Variants in THADA observed in about 807,000 individuals in gnomAD.
THADA encodes tRNA (32-2'-O)-methyltransferase regulator THADA.
In THADA, 213 loss-of-function variants were observed where a neutral mutation model predicts 219.8. The observed-to-expected ratio is 0.97, with a 90% CI of 0.87 to 1.09. THADA has a LOEUF of 1.09. Among genes scored for constraint, THADA ranks in the 50% least tolerant of loss-of-function variants. The probability of loss-of-function intolerance (pLI) is 0.00; values close to 1 mark genes in which losing one functional copy is unlikely to be tolerated. For missense variants in THADA, 2,956 were observed against 2,311.3 expected, an observed-to-expected ratio of 1.28 and a Z score of -5.72; for synonymous variants, 1,018 against 828.9, an observed-to-expected ratio of 1.23 and a Z score of -3.92.
intron 30 of THADA, among the ~76,000 whole-genome samples, chr2:43,321,006 A>G (rs1339977634): frequency 6.6e-6 from 1 of 152,230 alleles, no homozygotes; most frequent in African/African-American, 2.4e-5. Flanking sequence ...TGGACTTGAA[A>G]TAACCAGCTG....
At position 43,581,941 on chromosome 2, in the gene THADA, A is replaced by C. The variant is rs1700508567; in HGVS notation, c.534-13T>G. 2.0e-6 allele frequency: 3 copies of C among 1,514,712 alleles called. No individual in the cohort carries two copies. The highest frequency in any genetic ancestry group is 2.4e-5 in the East Asian group (1 of 41,992). 93.8% of individuals were successfully genotyped at this position (1,514,712 alleles called of 1,614,324 possible). ...TCCAGCACATTTTCTATAAAGAAGA[A>C]AAGACATTATTACAAAAGGAAATTC... On this transcript the variant is annotated splice_polypyrimidine_tract_variant and intron_variant, in intron 7 of 37. Coordinates refer to ENST00000405975, the MANE Select transcript of THADA (RefSeq NM_022065.5).
chr2:43,359,634 T>G (rs1669269191), intron 29 of THADA, among the ~76,000 whole-genome samples: 1 of 152,150 alleles, frequency 6.6e-6, no homozygotes, highest in Admixed American at 6.5e-5. Context: ...GAGCGAAGAT[T>G]GCGCCACTGC....
At chr2:43,374,893 G>C (rs1671202149) in intron 29 of THADA, among the ~76,000 whole-genome samples, 1 of 152,038 alleles carries the variant, frequency 6.6e-6, no homozygotes, top group African/African-American at 2.4e-5. Context: ...GCTACTATGA[G>C]CAACTGGTGT....
chr2:43,413,324 C>G (rs1229247046), intron 28 of THADA, among the ~76,000 whole-genome samples: 1 of 152,076 alleles, frequency 6.6e-6, no homozygotes, highest in Non-Finnish European at 1.5e-5. Context: ...AAAACCCCAC[C>G]ACCACCCCCG....
intron 29 of THADA, among the ~76,000 whole-genome samples, chr2:43,344,767 T>TG (rs1553400863): frequency 6.6e-6 from 1 of 151,090 alleles, no homozygotes; most frequent in Admixed American, 6.6e-5. Flanking sequence ...GGGTTTTTTT[T>TG]GTTTTTTTTT....
intron 36 of THADA, among the ~76,000 whole-genome samples, chr2:43,274,602 G>A (rs996446017): frequency 6.6e-6 from 1 of 152,164 alleles, no homozygotes; most frequent in Non-Finnish European, 1.5e-5. Flanking sequence ...AGCGGCTCAG[G>A]GAATGGGGAG....
At chr2:43,447,015 G>C (rs372736134) in intron 26 of THADA, among the ~76,000 whole-genome samples, 2 of 152,118 alleles carry the variant, frequency 1.3e-5, no homozygotes, top group African/African-American at 4.8e-5. Context: ...AGAAATACCC[G>C]AGACTGAATA....
intron 22 of THADA, among the ~76,000 whole-genome samples, chr2:43,524,164 T>C (rs1005218869): frequency 1.6e-4 from 25 of 152,318 alleles, no homozygotes; most frequent in Middle Eastern, 3.4e-3. Context: ...GACTTCTAAA[T>C]AGAAAGCACG....
At chr2:43,242,563 C>T (rs1028834141) in intron 36 of THADA, among the ~76,000 whole-genome samples, 6 of 152,100 alleles carry the variant, frequency 3.9e-5, no homozygotes, top group African/African-American at 1.4e-4. Flanking sequence ...GTGGTCTCAG[C>T]TCACTACAAC....
At chr2:43,434,935 A>C (rs1013273084) in intron 26 of THADA, among the ~76,000 whole-genome samples, 80 of 152,084 alleles carry the variant, frequency 5.3e-4, no homozygotes, top group African/African-American at 1.9e-3. Context: ...AGCCGTAAAC[A>C]TTCACCCCTC....
At chr2:43,344,037 A>G (rs1462369868) in intron 30 of THADA, 85 bp downstream of exon 30, 3 of 993,254 alleles carry the variant, frequency 3.0e-6, no homozygotes, top group South Asian at 1.5e-5. Flanking sequence ...AATGACTTTT[A>G]AAACTCCCCA....
intron 36 of THADA, among the ~76,000 whole-genome samples, chr2:43,272,144 C>T (rs1369783402): frequency 6.6e-6 from 1 of 152,136 alleles, no homozygotes; most frequent in Non-Finnish European, 1.5e-5. Flanking sequence ...GGAACAGCTA[C>T]TGCAAAGGCC....
At chr2:43,565,756 C>G (rs958828421) in intron 15 of THADA, 1 of 152,132 alleles carries the variant, frequency 6.6e-6, no homozygotes, top group African/African-American at 2.4e-5. Flanking sequence ...GCAAGAAATC[C>G]CACATTCTAA....
In THADA at chr2:43,495,676, G is replaced by A. The variant is rs557702383; in HGVS notation, c.3744+3157C>T. Among the ~76,000 whole-genome samples the A allele has an allele frequency of 2.6e-5, 4 of 152,102 alleles. No individual in the cohort carries two copies. In the East Asian group the frequency reaches 7.7e-4, roughly 29 times the overall value. On this transcript the variant is annotated intron_variant, in intron 25 of 37. Transcript: ENST00000405975. ...ATAGTTTGAATTTTACTAAAAAGTT[G>A]GACGAATCACCAGGCTTCACTCTCA...
At chr2:43,505,882 G>C (rs1689610217) in intron 23 of THADA, 147 bp from the exon 24 acceptor site, 2 of 627,568 alleles carry the variant, frequency 3.2e-6, no homozygotes, top group South Asian at 2.0e-5. Flanking sequence ...GTGGCCGTGG[G>C]CAAGTGGTTT....
At chr2:43,402,344 T>C (rs1245888584) in intron 28 of THADA, among the ~76,000 whole-genome samples, 1 of 152,124 alleles carries the variant, frequency 6.6e-6, no homozygotes, top group African/African-American at 2.4e-5. Context: ...TGAGACAATT[T>C]TCTGCAACAG....
At chr2:43,469,981 C>T in intron 26 of THADA, among the ~76,000 whole-genome samples, 1 of 151,984 alleles carries the variant, frequency 6.6e-6, no homozygotes, top group Non-Finnish European at 1.5e-5. Flanking sequence ...AAGGCTGAGG[C>T]AGGCAGATCA....
intron 29 of THADA, among the ~76,000 whole-genome samples, chr2:43,375,036 G>C (rs569948586): frequency 6.6e-6 from 1 of 151,522 alleles, no homozygotes; most frequent in Non-Finnish European, 1.5e-5. Flanking sequence ...ATAAATGGTC[G>C]TGGACCAAAA....
chr2:43,520,713 T>TACACACACACAC (rs145550774), intron 22 of THADA, among the ~76,000 whole-genome samples: 4 of 125,050 alleles, frequency 3.2e-5, no homozygotes, highest in African/African-American at 1.2e-4. Flanking sequence ...TATATATATA[T>TACACACACACAC]ACACACACAC....
Sources: gnomAD v4.1 joint callset for allele counts (sites outside exome capture counted in the v4.1 genomes callset) on GRCh38, gnomAD v4.1.1 for gene constraint, MANE v1.5 for transcripts, NCBI Gene and HGNC (gene_info 2026-07-23, HGNC 2026-07-21) for gene names.